The following PSIP1 variants were observed in gnomAD, a reference collection of about 807,000 sequenced individuals.
The protein encoded by PSIP1 is PC4 and SRSF1 interacting protein 1, also known as PC4 and SFRS1-interacting protein.
Under a neutral mutation model 74.7 loss-of-function variants are expected in PSIP1, and 19 were observed. The observed-to-expected ratio is 0.25, with a 90% confidence interval of 0.18 to 0.37. The LOEUF is 0.37. Among genes scored for constraint, PSIP1 ranks in the 10% least tolerant of loss-of-function variants. PSIP1 has a pLI of 1.00. For missense variants in PSIP1, 601 were observed against 614.3 expected, an observed-to-expected ratio of 0.98 and a Z score of 0.23; for synonymous variants, 222 against 195.3, an observed-to-expected ratio of 1.14 and a Z score of -1.14.
At chr9:15,500,622 CTTTA>C (rs2037298203) in intron 3 of PSIP1, among the ~76,000 whole-genome samples, 1 of 152,138 alleles carries the variant, frequency 6.6e-6, no homozygotes, top group African/African-American at 2.4e-5. Flanking sequence ...AGATTCATTA[CTTTA>C]TTTTCTTCTT....
intron 3 of PSIP1, among the ~76,000 whole-genome samples, chr9:15,504,090 T>C (rs1012523799): frequency 3.9e-5 from 6 of 152,138 alleles, no homozygotes; most frequent in African/African-American, 1.4e-4. Context: ...CAGACCAACA[T>C]ACATATGGGG....
Position 15,486,908 on chromosome 9 carries a change from T to C in PSIP1, c.312A>G (p.Ala104=), listed in dbSNP as rs751879574. The C allele has an allele frequency of 1.2e-6, 2 of 1,610,488 alleles. No individual in the cohort carries two copies. The highest frequency in any genetic ancestry group is 1.7e-6 in the Non-Finnish European group (2 of 1,177,958). ...TTTCTTCAACTTCAACATCAGATGA[T>C]GCATTTGATTGTTTAGTTGCTGCCT... ...SQQAATKQSN[A]SSDVEVEEKE... is the part of the protein sequence containing the mutation. The change falls in exon 5 of 16, where the codon GCA becomes GCG. Residue 104 remains alanine, a synonymous_variant. Transcript: ENST00000380733.
In PSIP1 at chr9:15,479,580, A is replaced by G; in HGVS notation, c.553+11T>C. 6.4e-7 allele frequency: 1 copy of G among 1,571,930 alleles called. No individual in the cohort carries two copies. Among genetic ancestry groups the G allele is most frequent in the Non-Finnish European group, 8.7e-7 (1 of 1,153,330 alleles). ...CAAGCCAAACAGATATTTAAACATC[A>G]GTAATCCTACCTGCAGGTCGTCCTC... On this transcript the variant is annotated intron_variant, in intron 7 of 15. Transcript: ENST00000380733.
At chr9:15,492,188 C>G (rs1307780627) in intron 3 of PSIP1, 4 of 152,244 alleles carry the variant, frequency 2.6e-5, no homozygotes, top group African/African-American at 7.2e-5. Flanking sequence ...AGTCCAAAGT[C>G]TCATCTGAGG....
chr9:15,480,140 A>C (rs1241830989), intron 6 of PSIP1, among the ~76,000 whole-genome samples: 2 of 152,230 alleles, frequency 1.3e-5, no homozygotes, highest in Non-Finnish European at 2.9e-5. Flanking sequence ...GACCATTTGC[A>C]AACTCTAATG....
At chr9:15,498,530 C>T (rs1389210202) in intron 3 of PSIP1, among the ~76,000 whole-genome samples, 2 of 151,892 alleles carry the variant, frequency 1.3e-5, no homozygotes, top group South Asian at 2.1e-4. Context: ...TCCTTGGGCA[C>T]GCAGTCCGAC....
At position 15,474,031 on chromosome 9, in the gene PSIP1, CCTT is replaced by C. The variant is rs757199981; in HGVS notation, c.833_835del (p.Glu278del). On this transcript the variant is annotated inframe_deletion, in exon 9 of 16. Coordinates refer to ENST00000380733, the MANE Select transcript of PSIP1 (RefSeq NM_033222.5). ...TACCTTTTCACCTTCTTGATCATCTCCTTCTTCTTCAGAATCGGAGGTTGAAGT... is the reference window on the plus strand; with the variant it reads ...TACCTTTTCACCTTCTTGATCATCTCCTTCTTCAGAATCGGAGGTTGAAGT... 255 of 1,612,932 alleles carry C rather than the reference CCTT, an allele frequency of 1.6e-4. 1 individual carries two copies. Among genetic ancestry groups the C allele is most frequent in the South Asian group, 4.3e-4 (39 of 90,960 alleles).
chr9:15,503,661 A>G, intron 3 of PSIP1, among the ~76,000 whole-genome samples: 1 of 144,218 alleles, frequency 6.9e-6, no homozygotes, highest in East Asian at 2.0e-4. Flanking sequence ...CTCTGTCTCC[A>G]AAAAAAAAAA....
At chr9:15,508,485 T>C (rs1482067574) in intron 2 of PSIP1, among the ~76,000 whole-genome samples, 1 of 152,226 alleles carries the variant, frequency 6.6e-6, no homozygotes, top group Non-Finnish European at 1.5e-5. Flanking sequence ...CTATTTTATT[T>C]TCAGTAGCAC....
intron 3 of PSIP1, among the ~76,000 whole-genome samples, chr9:15,502,181 C>G (rs1420484738): frequency 1.3e-5 from 2 of 152,136 alleles, no homozygotes; most frequent in Non-Finnish European, 2.9e-5. Context: ...AACTGTCTTC[C>G]ATTGCTGCTT....
rs373573092 is a variant in PSIP1, at chr9:15,468,797, A to G, written c.1253T>C (p.Met418Thr). 2 of 1,613,906 alleles carry G rather than the reference A, an allele frequency of 1.2e-6. No individual in the cohort carries two copies. The highest frequency in any genetic ancestry group is 2.7e-5 in the African/African-American group (2 of 74,934). Residue 418 changes from methionine (M) to threonine (T), a missense_variant, in exon 14 of 16, where the codon ATG (methionine) becomes ACG (threonine). Physicochemically the swap from Met to Thr is moderately conservative, Grantham distance 81 (BLOSUM62 -1). Coordinates refer to ENST00000380733, the MANE Select transcript of PSIP1 (RefSeq NM_033222.5). ...CATGTTCTTAAACTTGTTATACAAC[A>G]TTGTAGACTTTTCCATGATTACCTG... is the stretch of plus-strand genomic sequence containing the variant. ...VSQVIMEKST[M>T]LYNKFKNMFL...
intron 8 of PSIP1, among the ~76,000 whole-genome samples, chr9:15,475,028 AATG>A (rs1169116627): frequency 6.6e-6 from 1 of 152,146 alleles, no homozygotes; most frequent in Non-Finnish European, 1.5e-5. Context: ...CAAATGAGAA[AATG>A]ATGATGCAAA....
At chr9:15,475,047 A>C (rs2036015316) in intron 8 of PSIP1, among the ~76,000 whole-genome samples, 1 of 152,178 alleles carries the variant, frequency 6.6e-6, no homozygotes, top group Non-Finnish European at 1.5e-5. Flanking sequence ...GCAAAAGGTC[A>C]AATAACAAGC....
chr9:15,508,877 AG>A (rs1359248895), intron 2 of PSIP1, among the ~76,000 whole-genome samples: 1 of 152,248 alleles, frequency 6.6e-6, no homozygotes, highest in African/African-American at 2.4e-5. Flanking sequence ...CGAAAGGAAT[AG>A]ATTAGAATGT....
At chr9:15,507,121 A>T (rs2037628073) in intron 2 of PSIP1, among the ~76,000 whole-genome samples, 1 of 152,228 alleles carries the variant, frequency 6.6e-6, no homozygotes. Flanking sequence ...CAAAAGTTTA[A>T]ATCAGTACCT....
At chr9:15,510,381 CG>C in intron 1 of PSIP1, 52 bp from the exon 2 acceptor site, 2 of 178,684 alleles carry the variant, frequency 1.1e-5, no homozygotes, top group Admixed American at 7.8e-5. Flanking sequence ...AGGGAGGGGC[CG>C]CAAGGGGAGG....
intron 11 of PSIP1, among the ~76,000 whole-genome samples, chr9:15,469,708 T>C (rs1288337917): frequency 6.6e-6 from 1 of 152,138 alleles, no homozygotes; most frequent in Non-Finnish European, 1.5e-5. Flanking sequence ...GTACTAAAAT[T>C]TGACACCATC....
intron 10 of PSIP1, chr9:15,471,273 TTCA>T (rs1362466338): frequency 5.7e-6 from 9 of 1,580,632 alleles, no homozygotes; most frequent in African/African-American, 1.3e-5. Context: ...CATAATGCAT[TTCA>T]CACAAGCTGC....
At chr9:15,498,525 G>A (rs776923597) in intron 3 of PSIP1, among the ~76,000 whole-genome samples, 51 of 152,042 alleles carry the variant, frequency 3.4e-4, no homozygotes, top group Admixed American at 1.4e-3. Flanking sequence ...AATCTTCCTT[G>A]GGCACGCAGT....
Sources: allele counts gnomAD v4.1 joint callset (sites outside exome capture counted in the v4.1 genomes callset), GRCh38; gene constraint gnomAD v4.1.1; transcripts MANE v1.5; gene names NCBI Gene and HGNC (gene_info 2026-07-23, HGNC 2026-07-21).